The following SCARA5 variants were observed in gnomAD, a reference collection of about 807,000 sequenced individuals.
SCARA5 encodes scavenger receptor class A member 5, also known as scavenger receptor class A, member 5 (putative).
A neutral mutation model predicts 46.3 loss-of-function variants in SCARA5; 45 were observed. The ratio of observed to expected loss-of-function variants is 0.97; its 90% confidence interval spans 0.76 to 1.24. The LOEUF (loss-of-function observed/expected upper bound fraction) is 1.24. Among genes scored for constraint, SCARA5 ranks in the 50% most tolerant of loss-of-function variants. The probability of loss-of-function intolerance (pLI) is 0.00; values close to 1 mark genes in which losing one functional copy is unlikely to be tolerated. For missense variants in SCARA5, 680 were observed against 689.0 expected (o/e 0.99, Z 0.15); for synonymous variants, 333 against 306.5 (o/e 1.09, Z -0.90).
intron 3 of SCARA5, among the ~76,000 whole-genome samples, chr8:27,944,768 G>A (rs760650764): frequency 2.0e-4 from 31 of 152,078 alleles, no homozygotes; most frequent in Non-Finnish European, 3.7e-4. Flanking sequence ...TACTTGGGAG[G>A]CTGAGGTGGG....
chr8:27,976,276 C>T (rs1808522842), intron 2 of SCARA5, among the ~76,000 whole-genome samples: 1 of 152,214 alleles, frequency 6.6e-6, no homozygotes, highest in Non-Finnish European at 1.5e-5. Flanking sequence ...ATTCACGCTG[C>T]AAATGCACAG....
chr8:27,912,202 G>A (rs1201369907), intron 4 of SCARA5, among the ~76,000 whole-genome samples: 4 of 152,156 alleles, frequency 2.6e-5, no homozygotes, highest in East Asian at 1.9e-4. Flanking sequence ...CAGCAGTAAC[G>A]TCTTGCACAA....
At chr8:27,912,738 A>G (rs1472418312) in intron 4 of SCARA5, among the ~76,000 whole-genome samples, 1 of 152,080 alleles carries the variant, frequency 6.6e-6, no homozygotes, top group African/African-American at 2.4e-5. Context: ...GCACCCTCCA[A>G]TTTCACCTGC....
At chr8:27,897,499 T>C (rs1409916547) in intron 7 of SCARA5, among the ~76,000 whole-genome samples, 2 of 152,262 alleles carry the variant, frequency 1.3e-5, no homozygotes, top group Non-Finnish European at 2.9e-5. Context: ...TTTTCATAGA[T>C]GATTCCGTGT....
At chr8:27,961,588 G>C (rs1808294925) in intron 3 of SCARA5, among the ~76,000 whole-genome samples, 1 of 152,214 alleles carries the variant, frequency 6.6e-6, no homozygotes, top group Non-Finnish European at 1.5e-5. Context: ...AGAGAAGGGA[G>C]TTCTTGGCCA....
At chr8:27,948,742 G>A (rs1002752585) in intron 3 of SCARA5, among the ~76,000 whole-genome samples, 4 of 152,184 alleles carry the variant, frequency 2.6e-5, no homozygotes, top group African/African-American at 7.2e-5. Flanking sequence ...AGGAAAAAAC[G>A]ATTCCAGCCC....
intron 2 of SCARA5, among the ~76,000 whole-genome samples, chr8:27,984,730 A>T (rs1039043234): frequency 1.2e-4 from 18 of 151,184 alleles, no homozygotes; most frequent in African/African-American, 4.4e-4. Context: ...CCATCTATCC[A>T]TTCATTATTC....
intron 2 of SCARA5, among the ~76,000 whole-genome samples, chr8:27,984,128 C>T (rs1037190008): frequency 5.9e-5 from 9 of 152,036 alleles, no homozygotes; most frequent in African/African-American, 2.2e-4. Context: ...CCCACCCTTT[C>T]CTCTTCCTCT....
intron 3 of SCARA5, among the ~76,000 whole-genome samples, chr8:27,939,611 C>T (rs116013893): frequency 0.01 from 1,564 of 152,284 alleles, 24 homozygotes; most frequent in African/African-American, 0.034. Flanking sequence ...GCCTCTTGTC[C>T]TGGGTCACGC....
intron 3 of SCARA5, among the ~76,000 whole-genome samples, chr8:27,942,771 C>A (rs2129876021): frequency 6.6e-6 from 1 of 152,272 alleles, no homozygotes; most frequent in East Asian, 1.9e-4. Context: ...AAAAAATGCC[C>A]TTTGCTGCTA....
At chr8:27,908,729 T>C (rs973091289) in intron 5 of SCARA5, among the ~76,000 whole-genome samples, 2 of 152,110 alleles carry the variant, frequency 1.3e-5, no homozygotes, top group Admixed American at 1.3e-4. Flanking sequence ...CCCCATCTTA[T>C]GATTCGCTAG....
At chr8:27,901,795 T>C (rs988526450) in intron 7 of SCARA5, among the ~76,000 whole-genome samples, 1 of 152,136 alleles carries the variant, frequency 6.6e-6, no homozygotes, top group Non-Finnish European at 1.5e-5. Context: ...GGGGATTACT[T>C]GGGGTTTTAA....
rs73564983 is a variant in SCARA5, at chr8:27,885,273, C to A, written c.1154-5507G>T. ...AATGAGCTGAGGAAGGACGTGGACT[C>A]CCCCACCTCAGAAAACTCCTTTCTG... On this transcript the variant is annotated intron_variant, in intron 7 of 8. Transcript: ENST00000354914. Among the ~76,000 whole-genome samples the A allele has an allele frequency of 7.5e-3, 1,136 of 152,270 alleles. 16 individuals are homozygous for A. The highest frequency in any genetic ancestry group is 0.025 in the African/African-American group (1,057 of 41,548).
intron 3 of SCARA5, among the ~76,000 whole-genome samples, chr8:27,960,814 A>G (rs75577915): frequency 1.7e-5 from 2 of 118,620 alleles, no homozygotes; most frequent in South Asian, 2.8e-4. Flanking sequence ...ATTATGAAAT[A>G]AATGAGTTGT....
chr8:27,895,722 G>T (rs1031383337), intron 7 of SCARA5, among the ~76,000 whole-genome samples: 2 of 152,258 alleles, frequency 1.3e-5, no homozygotes, highest in South Asian at 2.1e-4. Flanking sequence ...GGTCAGACGG[G>T]GTACTTGGGA....
intron 3 of SCARA5, among the ~76,000 whole-genome samples, chr8:27,933,826 T>A (rs190862567): frequency 3.2e-4 from 48 of 152,284 alleles, no homozygotes; most frequent in African/African-American, 1.1e-3. Flanking sequence ...GAGGGACTCT[T>A]AGGCAGTCAT....
At chr8:27,912,228 T>C (rs535791655) in intron 4 of SCARA5, among the ~76,000 whole-genome samples, 1 of 152,260 alleles carries the variant, frequency 6.6e-6, no homozygotes, top group South Asian at 2.1e-4. Context: ...ATTTGATGAA[T>C]GAATGAGTAT....
chr8:27,908,083 G>A (rs949071208), intron 5 of SCARA5, among the ~76,000 whole-genome samples: 5 of 148,172 alleles, frequency 3.4e-5, no homozygotes, highest in Non-Finnish European at 7.4e-5. Context: ...TGCTGTTGCT[G>A]AAATGAGAGT....
intron 3 of SCARA5, among the ~76,000 whole-genome samples, chr8:27,956,427 C>A (rs529553358): frequency 6.6e-6 from 1 of 152,286 alleles, no homozygotes; most frequent in South Asian, 2.1e-4. Context: ...TTCTCAGAAA[C>A]CTCTATTCTG....
Sources: allele counts gnomAD v4.1 joint callset (sites outside exome capture counted in the v4.1 genomes callset), GRCh38; gene constraint gnomAD v4.1.1; transcripts MANE v1.5; gene names NCBI Gene and HGNC (gene_info 2026-07-23, HGNC 2026-07-21).